The following KCNIP4 variants were observed in gnomAD, a reference collection of about 807,000 sequenced individuals.
The protein encoded by KCNIP4 is Kv channel-interacting protein 4.
KCNIP4 carries 12 observed loss-of-function variants against 34.0 expected under a neutral mutation model. The ratio of observed to expected loss-of-function variants is 0.35; its 90% confidence interval spans 0.23 to 0.57. The LOEUF is 0.57. KCNIP4 is among the 20% of genes least tolerant of loss of function. The pLI is 0.83. For missense variants in KCNIP4, 238 were observed against 311.7 expected (o/e 0.76, Z 1.78); for synonymous variants, 124 against 102.2 (o/e 1.21, Z -1.29).
intron 1 of KCNIP4, among the ~76,000 whole-genome samples, chr4:21,875,309 C>T (rs971856754): frequency 6.6e-6 from 1 of 152,138 alleles, no homozygotes; most frequent in Non-Finnish European, 1.5e-5. Flanking sequence ...AGAGCTGATT[C>T]TTCATTAGAC....
At chr4:21,173,156 C>G (rs1274918292) in intron 1 of KCNIP4, among the ~76,000 whole-genome samples, 1 of 152,062 alleles carries the variant, frequency 6.6e-6, no homozygotes, top group African/African-American at 2.4e-5. Flanking sequence ...TCTGCCTTAA[C>G]TGCAAGGGAA....
chr4:21,707,543 A>C (rs1356801645), intron 1 of KCNIP4, among the ~76,000 whole-genome samples: 1 of 152,014 alleles, frequency 6.6e-6, no homozygotes, highest in Non-Finnish European at 1.5e-5. Flanking sequence ...CACCAGGTAG[A>C]GGTAAGGCTC....
intron 1 of KCNIP4, among the ~76,000 whole-genome samples, chr4:21,151,712 C>T (rs1752772146): frequency 6.6e-6 from 1 of 152,140 alleles, no homozygotes; most frequent in South Asian, 2.1e-4. Context: ...ATTCAGTCCA[C>T]AGCCCTCCCT....
At chr4:20,981,839 A>G (rs1451228626) in intron 1 of KCNIP4, among the ~76,000 whole-genome samples, 1 of 152,214 alleles carries the variant, frequency 6.6e-6, no homozygotes, top group African/African-American at 2.4e-5. Flanking sequence ...ATATTTATGT[A>G]CATCTCTATG....
At chr4:21,917,404 G>C (rs746331702) in intron 1 of KCNIP4, among the ~76,000 whole-genome samples, 3 of 152,040 alleles carry the variant, frequency 2.0e-5, no homozygotes, top group Non-Finnish European at 2.9e-5. Context: ...CAAAGTGCTT[G>C]GATTACAGGC....
intron 1 of KCNIP4, among the ~76,000 whole-genome samples, chr4:21,261,985 C>T (rs1187729355): frequency 1.3e-5 from 2 of 152,150 alleles, no homozygotes; most frequent in African/African-American, 4.8e-5. Context: ...ATACAAACTC[C>T]TTTAGATAGC....
At chr4:21,743,234 C>T (rs1048383303) in intron 1 of KCNIP4, among the ~76,000 whole-genome samples, 2 of 152,064 alleles carry the variant, frequency 1.3e-5, no homozygotes, top group African/African-American at 4.8e-5. Flanking sequence ...AAGGTGTTGG[C>T]AGGGTTGCAT....
At chr4:20,959,378 G>C (rs756310292) in intron 1 of KCNIP4, among the ~76,000 whole-genome samples, 25 of 152,156 alleles carry the variant, frequency 1.6e-4, no homozygotes, top group Admixed American at 1.6e-3. Context: ...TTAAGGCTTG[G>C]CTCCAAAATG....
At chr4:21,293,454 C>T (rs572348791) in intron 1 of KCNIP4, among the ~76,000 whole-genome samples, 29 of 152,250 alleles carry the variant, frequency 1.9e-4, no homozygotes, top group Middle Eastern at 3.4e-3. Flanking sequence ...GCCAATCCTT[C>T]GGGAAATAGG....
intron 1 of KCNIP4, among the ~76,000 whole-genome samples, chr4:21,571,406 T>C (rs1187896888): frequency 6.6e-6 from 1 of 152,200 alleles, no homozygotes; most frequent in Non-Finnish European, 1.5e-5. Flanking sequence ...TAAGAAAGGA[T>C]AGTTAAATGC....
At chr4:21,217,261 G>A (rs1011730562) in intron 1 of KCNIP4, among the ~76,000 whole-genome samples, 1 of 152,050 alleles carries the variant, frequency 6.6e-6, no homozygotes, top group African/African-American at 2.4e-5. Flanking sequence ...CATAATAAGG[G>A]CTCAATAATA....
chr4:21,577,407 A>G (rs997089052), intron 1 of KCNIP4, among the ~76,000 whole-genome samples: 3 of 152,148 alleles, frequency 2.0e-5, no homozygotes, highest in Non-Finnish European at 2.9e-5. Flanking sequence ...AGGTGGGCAG[A>G]CCACCTGAGG....
At chr4:20,987,646 A>G (rs1223324431) in intron 1 of KCNIP4, among the ~76,000 whole-genome samples, 1 of 152,200 alleles carries the variant, frequency 6.6e-6, no homozygotes, top group Non-Finnish European at 1.5e-5. Context: ...ATTTACTCCA[A>G]AAATAGTAGC....
At chr4:21,078,103 C>A (rs1365160417) in intron 1 of KCNIP4, among the ~76,000 whole-genome samples, 10 of 151,880 alleles carry the variant, frequency 6.6e-5, no homozygotes, top group Non-Finnish European at 1.5e-4. Context: ...CATAAGGACA[C>A]CACTGAAAGG....
At chr4:21,478,481 A>C (rs1297027622) in intron 1 of KCNIP4, among the ~76,000 whole-genome samples, 1 of 152,178 alleles carries the variant, frequency 6.6e-6, no homozygotes, top group Non-Finnish European at 1.5e-5. Flanking sequence ...AACTGCAGCA[A>C]TCAAATGTTT....
At chr4:21,877,778 T>C (rs1560781666) in intron 1 of KCNIP4, among the ~76,000 whole-genome samples, 1 of 152,234 alleles carries the variant, frequency 6.6e-6, no homozygotes, top group Non-Finnish European at 1.5e-5. Context: ...GTCCTGCTTC[T>C]GTTTCTAACC....
intron 1 of KCNIP4, among the ~76,000 whole-genome samples, chr4:21,379,839 T>A (rs1721315360): frequency 6.6e-6 from 1 of 152,156 alleles, no homozygotes; most frequent in Non-Finnish European, 1.5e-5. Context: ...TCTTCATGCT[T>A]CTTATTGTAA....
intron 7 of KCNIP4, 145 bp from the exon 8 acceptor site, chr4:20,732,213 A>C: frequency 3.2e-6 from 2 of 622,196 alleles, no homozygotes; most frequent in Non-Finnish European, 5.6e-6. Context: ...AGGAACCAGC[A>C]GTTTTTTAGA....
chr4:21,032,180 A>G (rs899826304), intron 1 of KCNIP4, among the ~76,000 whole-genome samples: 7 of 152,202 alleles, frequency 4.6e-5, no homozygotes, highest in African/African-American at 1.7e-4. Context: ...AGCTTCTCAA[A>G]GAAACAAAGG....
Sources: allele counts gnomAD v4.1 joint callset (sites outside exome capture counted in the v4.1 genomes callset), GRCh38; gene constraint gnomAD v4.1.1; transcripts MANE v1.5; gene names NCBI Gene and HGNC (gene_info 2026-07-23, HGNC 2026-07-21).